Variants in SLC38A7 observed in about 807,000 individuals in gnomAD.
The protein encoded by SLC38A7 is solute carrier family 38 member 7, also known as sodium-coupled neutral amino acid transporter 7.
Under a neutral mutation model 50.1 loss-of-function variants are expected in SLC38A7, and 29 were observed. The observed-to-expected ratio is 0.58, with a 90% CI of 0.43 to 0.79. SLC38A7 has a LOEUF of 0.79. SLC38A7 is among the 30% of genes least tolerant of loss of function. The probability of loss-of-function intolerance (pLI) is 0.00; values close to 1 mark genes in which losing one functional copy is unlikely to be tolerated. For synonymous variants in SLC38A7, 244 were observed against 245.9 expected (o/e 0.99, Z 0.07); for missense variants, 483 against 610.6 (o/e 0.79, Z 2.20).
At chr16:58,680,283 G>C (rs1348026308) in intron 2 of SLC38A7, 42 bp from the exon 3 acceptor site, 2 of 760,182 alleles carry the variant, frequency 2.6e-6, no homozygotes, top group African/African-American at 3.6e-5. Context: ...TCCTAAGATG[G>C]GGGAACTAGG....
At position 58,680,218 on chromosome 16, in the gene SLC38A7, T is replaced by C; in HGVS notation, c.-92A>G. 1 of 1,416,530 alleles carries C rather than the reference T, an allele frequency of 7.1e-7. No homozygotes were observed. The highest frequency in any genetic ancestry group is 9.3e-7 in the Non-Finnish European group (1 of 1,077,728). 87.7% of individuals were successfully genotyped at this position (1,416,530 alleles called of 1,614,324 possible). ...TGAGCAACACCCACCTGTTTGGGGC[T>C]GTTAGCTTAGGACTCTTCTCAACCT... On this transcript the variant is annotated 5_prime_UTR_variant, in exon 3 of 12. Transcript: ENST00000219320.
rs553894246 is a variant in SLC38A7 at position 58,669,335 on chromosome 16, G to A, written c.1286+778C>T. 4.0e-5 allele frequency among the ~76,000 whole-genome samples: 6 copies of A among 151,414 alleles called. No individual in the cohort carries two copies. The South Asian group carries it at 6.3e-4, about 16-fold the overall frequency. ...TCACCATGTTGGTCAGGCTGGTCTCGAACTCCTGACCTCGGGTGATCTGCC... is the reference window on the plus strand; with the variant it reads ...TCACCATGTTGGTCAGGCTGGTCTCAAACTCCTGACCTCGGGTGATCTGCC... On this transcript the variant is annotated intron_variant, in intron 11 of 11. Coordinates refer to ENST00000219320, the MANE Select transcript of SLC38A7 (RefSeq NM_018231.3).
chr16:58,682,995 C>G (rs1270278988), intron 2 of SLC38A7, among the ~76,000 whole-genome samples: 8 of 150,654 alleles, frequency 5.3e-5, no homozygotes, highest in African/African-American at 1.7e-4. Context: ...ATTCTCAACT[C>G]TTCTCCCATG....
rs2044055379 is a variant in SLC38A7 at position 58,667,243 on chromosome 16, G to A, written c.*142C>T. Reference sequence around the variant, plus strand: ...AGCTGTCCAGAGGTGTGGGGCCTGAGTTTGCCCCAGTCCCTGGAAGAGGAT... The same window carrying A: ...AGCTGTCCAGAGGTGTGGGGCCTGAATTTGCCCCAGTCCCTGGAAGAGGAT... On this transcript the variant is annotated 3_prime_UTR_variant, in exon 12 of 12. Transcript: ENST00000219320. The A allele has an allele frequency of 1.2e-6, 1 of 822,298 alleles. No individual in the cohort carries two copies. The highest frequency in any genetic ancestry group is 2.2e-5 in the Admixed American group (1 of 44,852). The allele number at this position is 822,298 out of a possible 1,614,324, so 50.9% of individuals were successfully genotyped here.
chr16:58,675,508 C>A (rs2044247643), intron 8 of SLC38A7, among the ~76,000 whole-genome samples: 1 of 152,110 alleles, frequency 6.6e-6, no homozygotes, highest in Admixed American at 6.6e-5. Context: ...GTTTCTGAGA[C>A]CCTTTCTCAA....
Position 58,675,954 on chromosome 16 carries a change from A to C in SLC38A7, c.869T>G (p.Val290Gly), listed in dbSNP as rs1324148550. 2 of 1,611,892 alleles carry C rather than the reference A, an allele frequency of 1.2e-6. No individual in the cohort carries two copies. Among genetic ancestry groups the C allele is most frequent in the Non-Finnish European group, 1.7e-6 (2 of 1,179,098 alleles). Residue 290 changes from valine (V) to glycine (G), a missense_variant, in exon 8 of 12, where the codon GTC becomes GGC. Coordinates refer to ENST00000219320, the MANE Select transcript of SLC38A7 (RefSeq NM_018231.3). ...VTAAMVIALA[V>G]YMGTGICGFL... The stretch of plus-strand genomic sequence containing the variant: ...GGAGCACTCACCTGTCCCCATGTAG[A>C]CAGCGAGGGCTATGACCATGGCAGC...
intron 9 of SLC38A7, 179 bp from the exon 10 acceptor site, chr16:58,671,423 G>C: frequency 3.3e-6 from 2 of 613,748 alleles, no homozygotes; most frequent in Non-Finnish European, 5.7e-6. Context: ...ACTAGAGACG[G>C]TGAATGTCGA....
At chr16:58,673,271 T>C (rs2044193614) in intron 8 of SLC38A7, among the ~76,000 whole-genome samples, 1 of 150,320 alleles carries the variant, frequency 6.7e-6, no homozygotes, top group South Asian at 2.1e-4. Flanking sequence ...AGTTTTGCTC[T>C]TTCACCCAGG....
chr16:58,680,189 G>T lies in SLC38A7; in HGVS notation c.-63C>A, dbSNP rs1329803504. The T allele has an allele frequency of 1.1e-5, 16 of 1,482,660 alleles. No individual in the cohort carries two copies. The Admixed American group carries it at 2.8e-4, about 26-fold the overall frequency. The allele number at this position is 1,482,660 out of a possible 1,614,324, so 91.8% of individuals were successfully genotyped here. ...CTGCCTTACAACCACATGCCTCAGG[G>T]AGCTGAGCAACACCCACCTGTTTGG... is the stretch of plus-strand genomic sequence containing the variant. On this transcript the variant is annotated 5_prime_UTR_variant, in exon 3 of 12. Coordinates refer to ENST00000219320, the MANE Select transcript of SLC38A7 (RefSeq NM_018231.3).
intron 8 of SLC38A7, 85 bp from the exon 9 acceptor site, chr16:58,672,328 T>A: frequency 7.1e-7 from 1 of 1,409,670 alleles, no homozygotes; most frequent in Non-Finnish European, 9.6e-7. Flanking sequence ...AACATCAGCC[T>A]GGAGGCTGCA....
chr16:58,681,389 T>A (rs1420219840), intron 2 of SLC38A7: 1 of 152,194 alleles, frequency 6.6e-6, no homozygotes, highest in Non-Finnish European at 1.5e-5. Flanking sequence ...GCTTATCACC[T>A]GACTGATTCT....
At position 58,666,867 on chromosome 16, in the gene SLC38A7, G is replaced by A. The variant is rs914004299; in HGVS notation, c.*518C>T. ...TTCATGGTGGGGGTTGCCCAGGAAG[G>A]TGTGGACAAGGTCTGAATCTACCTG... On this transcript the variant is annotated 3_prime_UTR_variant, in exon 12 of 12. Coordinates refer to ENST00000219320, the MANE Select transcript of SLC38A7 (RefSeq NM_018231.3). The A allele has an allele frequency of 6.5e-6, 1 of 154,768 alleles. No individual in the cohort carries two copies. Among genetic ancestry groups the A allele is most frequent in the African/African-American group, 2.4e-5 (1 of 41,504 alleles). 9.6% of individuals were successfully genotyped at this position (154,768 alleles called of 1,614,324 possible).
chr16:58,678,900 G>A lies in SLC38A7; in HGVS notation c.271-6C>T. On this transcript the variant is annotated splice_polypyrimidine_tract_variant and splice_region_variant and intron_variant, in intron 3 of 11. Coordinates refer to ENST00000219320, the MANE Select transcript of SLC38A7 (RefSeq NM_018231.3). The surrounding 1 kb of genome is among the most constrained non-coding windows in gnomAD (Gnocchi z 4.0). ...ATGATGAAAACCAGCATACCCTGCAGGCAGAGGCAGAACAAGAGCTTGTGG... is the reference window on the plus strand; with the variant it reads ...ATGATGAAAACCAGCATACCCTGCAAGCAGAGGCAGAACAAGAGCTTGTGG... 1.2e-6 allele frequency: 2 copies of A among 1,611,174 alleles called. No homozygotes were observed. The highest frequency in any genetic ancestry group is 1.7e-6 in the Non-Finnish European group (2 of 1,179,932).
intron 11 of SLC38A7, among the ~76,000 whole-genome samples, chr16:58,668,758 G>T (rs577898356): frequency 1.3e-5 from 2 of 149,266 alleles, no homozygotes; most frequent in Non-Finnish European, 3.0e-5. Flanking sequence ...GAAATAAAGG[G>T]TGATTTTTTT....
chr16:58,676,939 C>T (rs1006748829), intron 6 of SLC38A7, among the ~76,000 whole-genome samples: 2 of 152,040 alleles, frequency 1.3e-5, no homozygotes, highest in South Asian at 2.1e-4. Flanking sequence ...CAGGCGTGAG[C>T]CATTGTGCCT....
intron 8 of SLC38A7, chr16:58,675,278 A>G: frequency 2.4e-6 from 1 of 414,398 alleles, no homozygotes; most frequent in South Asian, 1.8e-5. Context: ...AGGCCGAGGC[A>G]GGAGAATTGC....
In SLC38A7 at chr16:58,667,059, A is replaced by C. The variant is rs1567467391; in HGVS notation, c.*326T>G. On this transcript the variant is annotated 3_prime_UTR_variant, in exon 12 of 12. Coordinates refer to ENST00000219320, the MANE Select transcript of SLC38A7 (RefSeq NM_018231.3). ...ATTCTCCAGAGGGAAGTCAGACTGGATTCTTTCTTATGAGATCTACCGACT... is the reference window on the plus strand; with the variant it reads ...ATTCTCCAGAGGGAAGTCAGACTGGCTTCTTTCTTATGAGATCTACCGACT... 3 of 414,284 alleles carry C rather than the reference A, an allele frequency of 7.2e-6. No homozygotes were observed. Among genetic ancestry groups the C allele is most frequent in the South Asian group, 5.2e-5 (1 of 19,416 alleles). 25.7% of individuals were successfully genotyped at this position (414,284 alleles called of 1,614,324 possible). A position where few individuals can be genotyped will look rare whatever the true frequency, so the allele number is the denominator to read the frequency against.
intron 9 of SLC38A7, chr16:58,671,681 C>A: frequency 4.6e-6 from 1 of 217,928 alleles, no homozygotes; most frequent in Non-Finnish European, 9.2e-6. Context: ...TCTGCCTCAG[C>A]CTCCCAAGTG....
Position 58,671,102 on chromosome 16 carries a change from C to A in SLC38A7, c.1174G>T (p.Gly392Cys), listed in dbSNP as rs761106367. The A allele has an allele frequency of 4.3e-6, 7 of 1,613,654 alleles. No individual in the cohort carries two copies. Residue 392 changes from glycine to cysteine, a missense_variant, in exon 10 of 12, where the codon GGC becomes TGC. Gly to Cys is a radical substitution (Grantham distance 159). Coordinates refer to ENST00000219320, the MANE Select transcript of SLC38A7 (RefSeq NM_018231.3). ...CCTCCAATGACTGAGATCACCTTGC[C>A]GATGTCAGGGATGAAGAGCGCCAGC... is the stretch of plus-strand genomic sequence containing the variant. ...LLLALFIPDI[G>C]KVISVIGGLA...
Sources: allele counts gnomAD v4.1 joint callset (sites outside exome capture counted in the v4.1 genomes callset), GRCh38; gene constraint gnomAD v4.1.1; non-coding constraint Gnocchi (gnomAD v3.1); transcripts MANE v1.5; gene names NCBI Gene and HGNC (gene_info 2026-07-23, HGNC 2026-07-21).